Variants in GOLGA8A observed in about 807,000 individuals in gnomAD.
The protein encoded by GOLGA8A is golgin A8 family member A.
Under a neutral mutation model 22.1 loss-of-function variants are expected in GOLGA8A, and 3 were observed. The observed-to-expected ratio is 0.14, with a 90% CI of 0.06 to 0.35. GOLGA8A has a LOEUF of 0.35. GOLGA8A is among the 10% of genes least tolerant of loss of function. GOLGA8A has a pLI of 1.00. For missense variants in GOLGA8A, 16 were observed against 233.2 expected, an observed-to-expected ratio of 0.07 and a Z score of 6.07; for synonymous variants, 7 against 91.7, an observed-to-expected ratio of 0.08 and a Z score of 5.28.
chr15:34,423,331 C>T (rs7163210), intron 2 of GOLGA8A, among the ~76,000 whole-genome samples: 4,156 of 123,828 alleles, frequency 0.034, 803 homozygotes, highest in African/African-American at 0.13. Flanking sequence ...AAGCCCCGAG[C>T]ATCAGTACCT....
chr15:34,436,715 C>A (rs151002208), intron 1 of GOLGA8A, among the ~76,000 whole-genome samples: 1,735 of 149,808 alleles, frequency 0.012, 168 homozygotes, highest in African/African-American at 0.04. Context: ...CCTCGATGTT[C>A]TCCTTCACCA....
At chr15:34,424,041 A>G (rs1892886011) in intron 2 of GOLGA8A, among the ~76,000 whole-genome samples, 1 of 148,096 alleles carries the variant, frequency 6.8e-6, no homozygotes, top group African/African-American at 2.5e-5. Flanking sequence ...CCTGAGGCCA[A>G]GCAGCAGAGA....
At chr15:34,427,514 C>T (rs1252002986) in intron 2 of GOLGA8A, among the ~76,000 whole-genome samples, 1 of 148,294 alleles carries the variant, frequency 6.7e-6, no homozygotes, top group African/African-American at 2.5e-5. Context: ...CCTTCCAGCT[C>T]AACAGAGCAA....
intron 2 of GOLGA8A, among the ~76,000 whole-genome samples, chr15:34,422,721 T>TCTGTCG (rs1892833387): frequency 1.1e-5 from 1 of 90,382 alleles, no homozygotes; most frequent in African/African-American, 3.0e-5. Context: ...TTGTGCGCTC[T>TCTGTCG]CTCTCGCTCT....
At chr15:34,421,756 T>A (rs1892806572) in intron 2 of GOLGA8A, among the ~76,000 whole-genome samples, 1 of 135,322 alleles carries the variant, frequency 7.4e-6, no homozygotes, top group African/African-American at 2.8e-5. Flanking sequence ...GAAACTCAAC[T>A]CATGCCCAGC....
rs538122138 is a variant in GOLGA8A, at chr15:34,434,456, C to T, written c.-1123+927G>A. On this transcript the variant is annotated intron_variant, in intron 2 of 24. Coordinates refer to ENST00000359187, the MANE Select transcript of GOLGA8A (RefSeq NM_181077.5). ...TTGAGGTCACCTAACTCCCGGGCCT[C>T]CCTTGTGTGTCTGGACAGGGAGAGA... Among the ~76,000 whole-genome samples, 230 of 149,370 alleles carry T rather than the reference C, an allele frequency of 1.5e-3. 17 individuals are homozygous for T. The highest frequency in any genetic ancestry group is 3.1e-3 in the Admixed American group (46 of 14,838).
rs140674492 is a variant in GOLGA8A, at chr15:34,432,535, G to A, written c.-1123+2848C>T. Among the ~76,000 whole-genome samples, 4 of 148,872 alleles carry A rather than the reference G, an allele frequency of 2.7e-5. 1 individual carries two copies. Among genetic ancestry groups the A allele is most frequent in the East Asian group, 2.0e-4 (1 of 5,086 alleles). ...ACAAGACCTGCCTTCTAGATTTGTC[G>A]GGAAATTATTTAAAATGATAAACAA... On this transcript the variant is annotated intron_variant, in intron 2 of 24. Coordinates refer to ENST00000359187, the MANE Select transcript of GOLGA8A (RefSeq NM_181077.5).
chr15:34,421,538 A>G (rs1892797768), intron 2 of GOLGA8A, among the ~76,000 whole-genome samples: 1 of 142,570 alleles, frequency 7.0e-6, no homozygotes, highest in Non-Finnish European at 1.5e-5. Flanking sequence ...CGTACAGATT[A>G]CTCGTTTTCA....
At chr15:34,436,491 A>G (rs1051105832) in intron 1 of GOLGA8A, among the ~76,000 whole-genome samples, 1 of 149,604 alleles carries the variant, frequency 6.7e-6, no homozygotes, top group Admixed American at 6.7e-5. Context: ...AGATCTGAAA[A>G]AGTAAGCCTT....
At position 34,432,842 on chromosome 15, in the gene GOLGA8A, G is replaced by A. The variant is rs1186197622; in HGVS notation, c.-1123+2541C>T. Among the ~76,000 whole-genome samples, 4 of 149,088 alleles carry A rather than the reference G, an allele frequency of 2.7e-5. No homozygotes were observed. In the South Asian group the frequency reaches 6.4e-4, roughly 24 times the overall value. Reference sequence around the variant, plus strand: ...CGCCTCTGCATTCTCTCACTAGGCCGTAGCTGTAACTCACAAACCTGACCC... The same window carrying A: ...CGCCTCTGCATTCTCTCACTAGGCCATAGCTGTAACTCACAAACCTGACCC... On this transcript the variant is annotated intron_variant, in intron 2 of 24. Coordinates refer to ENST00000359187, the MANE Select transcript of GOLGA8A (RefSeq NM_181077.5).
At chr15:34,431,322 TATATATATATATATATATATATATCTCA>T (rs1893234132) in intron 2 of GOLGA8A, among the ~76,000 whole-genome samples, 1 of 16,192 alleles carries the variant, frequency 6.2e-5, no homozygotes, top group Non-Finnish European at 1.9e-4. Flanking sequence ...CATATATATA[TATATATATATATATATATATATATCTCA>T]CACACACACA....
rs1223995003 is a variant in GOLGA8A, at chr15:34,424,117, C to T, written c.-1123+11266G>A. 2.7e-5 allele frequency among the ~76,000 whole-genome samples: 4 copies of T among 148,280 alleles called. 1 individual carries two copies. The highest frequency in any genetic ancestry group is 1.0e-4 in the African/African-American group (4 of 39,992). On this transcript the variant is annotated intron_variant, in intron 2 of 24. Coordinates refer to ENST00000359187, the MANE Select transcript of GOLGA8A (RefSeq NM_181077.5). ...TGACAGCCCCCGCCAGACCACTGCC[C>T]TTGCCTGGAGAAACCACTCCCTAAG...
intron 2 of GOLGA8A, among the ~76,000 whole-genome samples, chr15:34,424,196 G>A (rs1250462538): frequency 2.1e-5 from 3 of 140,728 alleles, no homozygotes; most frequent in Non-Finnish European, 4.6e-5. Context: ...CACTTAAACT[G>A]TCCACCGGCC....
Position 34,432,196 on chromosome 15 carries a change from T to C in GOLGA8A, c.-1123+3187A>G, listed in dbSNP as rs568085626. Among the ~76,000 whole-genome samples the C allele has an allele frequency of 1.6e-4, 24 of 149,082 alleles. 4 individuals carry two copies. In the South Asian group the frequency reaches 5.0e-3, roughly 31 times the overall value. On this transcript the variant is annotated intron_variant, in intron 2 of 24. Transcript: ENST00000359187. ...TGGAGGGCTAGCTCCCAGACCCTTTTCCCATCGCTGTATAGGGCCCACGTC... is the reference window on the plus strand; with the variant it reads ...TGGAGGGCTAGCTCCCAGACCCTTTCCCCATCGCTGTATAGGGCCCACGTC...
intron 2 of GOLGA8A, among the ~76,000 whole-genome samples, chr15:34,432,943 T>C (rs1893321863): frequency 1.3e-5 from 2 of 148,644 alleles, no homozygotes; most frequent in Admixed American, 1.4e-4. Context: ...ATCAGTTCAA[T>C]ATTGCATCTC....
rs558282318 is a variant in GOLGA8A, at chr15:34,424,015, C to A, written c.-1123+11368G>T. On this transcript the variant is annotated intron_variant, in intron 2 of 24. Coordinates refer to ENST00000359187, the MANE Select transcript of GOLGA8A (RefSeq NM_181077.5). ...CAGCCACTGATAGCACCTGAGGAGACCCTCTGAGCCCCCTGCCTGAGGCCA... is the reference window on the plus strand; with the variant it reads ...CAGCCACTGATAGCACCTGAGGAGAACCTCTGAGCCCCCTGCCTGAGGCCA... Among the ~76,000 whole-genome samples, 488 of 147,846 alleles carry A rather than the reference C, an allele frequency of 3.3e-3. 12 individuals are homozygous for A. The highest frequency in any genetic ancestry group is 0.012 in the African/African-American group (480 of 39,920).
At chr15:34,421,119 A>C (rs1892780124) in intron 2 of GOLGA8A, among the ~76,000 whole-genome samples, 1 of 141,062 alleles carries the variant, frequency 7.1e-6, no homozygotes, top group Non-Finnish European at 1.5e-5. Context: ...CCTCGAGATC[A>C]CACTGGGGCG....
At position 34,381,308 on chromosome 15, in the gene GOLGA8A, C is replaced by T; in HGVS notation, c.*103G>A. 9.5e-7 allele frequency: 1 copy of T among 1,050,954 alleles called. No individual in the cohort carries two copies. The highest frequency in any genetic ancestry group is 1.4e-6 in the Non-Finnish European group (1 of 693,628). 65.1% of individuals were successfully genotyped at this position (1,050,954 alleles called of 1,614,324 possible). On this transcript the variant is annotated 3_prime_UTR_variant, in exon 25 of 25. Transcript: ENST00000359187. ...TAGAAACACAAATAATCATGAGTAGCTCTAACATTCAAATGAAGTAAATGA... is the reference window on the plus strand; with the variant it reads ...TAGAAACACAAATAATCATGAGTAGTTCTAACATTCAAATGAAGTAAATGA...
rs1324327655 is a variant in GOLGA8A at position 34,436,166 on chromosome 15, G to A, written c.-1211-695C>T. Among the ~76,000 whole-genome samples the A allele has an allele frequency of 2.7e-5, 4 of 149,242 alleles. 1 individual carries two copies. Among genetic ancestry groups the A allele is most frequent in the African/African-American group, 7.4e-5 (3 of 40,426 alleles). The stretch of plus-strand genomic sequence containing the variant: ...GAGGGACCCTGACCCAGAGGCCTGA[G>A]AAAAAGCCACCGGCAGGCTCCTGGC... On this transcript the variant is annotated intron_variant, in intron 1 of 24. Coordinates refer to ENST00000359187, the MANE Select transcript of GOLGA8A (RefSeq NM_181077.5).
Sources: gnomAD v4.1 joint callset for allele counts (sites outside exome capture counted in the v4.1 genomes callset) on GRCh38, gnomAD v4.1.1 for gene constraint, MANE v1.5 for transcripts, NCBI Gene and HGNC (gene_info 2026-07-23, HGNC 2026-07-21) for gene names.